Variants in AGPAT4 observed in about 807,000 individuals in gnomAD.
AGPAT4 encodes the protein 1-acyl-sn-glycerol-3-phosphate acyltransferase delta.
A neutral mutation model predicts 48.0 loss-of-function variants in AGPAT4; 15 were observed. That is an observed-to-expected ratio of 0.31 (90% CI 0.21 to 0.48). The LOEUF (loss-of-function observed/expected upper bound fraction) is 0.48, where lower values mean the gene tolerates loss of function less well. AGPAT4 is among the 20% of genes least tolerant of loss of function. AGPAT4 has a pLI of 0.99. For synonymous variants in AGPAT4, 178 were observed against 198.7 expected (o/e 0.90, Z 0.88); for missense variants, 314 against 482.5 (o/e 0.65, Z 3.27).
intron 2 of AGPAT4, among the ~76,000 whole-genome samples, chr6:161,190,303 TGAGA>T (rs949091819): frequency 7.9e-5 from 12 of 151,736 alleles, no homozygotes; most frequent in Admixed American, 3.9e-4. Flanking sequence ...AGTGAGCAAG[TGAGA>T]GAGAGAGAGA....
At position 161,237,841 on chromosome 6, in the gene AGPAT4, G is replaced by A. The variant is rs143104916; in HGVS notation, c.-89-5539C>T. On this transcript the variant is annotated intron_variant, in intron 1 of 8. Coordinates refer to ENST00000320285, the MANE Select transcript of AGPAT4 (RefSeq NM_020133.3). ...CCCAGCCCCCGTGAAGGTTAGGTGT[G>A]GGCAGATGATGGGCATATGCCACAA... Among the ~76,000 whole-genome samples, 3 of 152,150 alleles carry A rather than the reference G, an allele frequency of 2.0e-5. No homozygotes were observed. In the East Asian group the frequency reaches 5.8e-4, roughly 29 times the overall value.
In AGPAT4 at chr6:161,267,048, C is replaced by T. The variant is rs1225333652; in HGVS notation, c.-90+6890G>A. The stretch of plus-strand genomic sequence containing the variant: ...AGAACAGAAAGCCTCTGACTCCATC[C>T]ACCCACCGCCTTGGGAACTCTGAGA... On this transcript the variant is annotated intron_variant, in intron 1 of 8. Transcript: ENST00000320285. The surrounding 1 kb of genome is among the most constrained non-coding windows in gnomAD (Gnocchi z 5.2). Among the ~76,000 whole-genome samples the T allele has an allele frequency of 6.6e-6, 1 of 152,202 alleles. No homozygotes were observed. Among genetic ancestry groups the T allele is most frequent in the African/African-American group, 2.4e-5 (1 of 41,452 alleles).
rs1291212224 is a variant in AGPAT4 at position 161,159,312 on chromosome 6, A to C, written c.349-5002T>G. ...GTCTGTGCAAAGGTATTGATTAAGA[A>C]GCCCCCTATGCCAGGCATTATGCAG... On this transcript the variant is annotated intron_variant, in intron 3 of 8. Transcript: ENST00000320285. The surrounding 1 kb of genome is among the most constrained non-coding windows in gnomAD (Gnocchi z 4.1). Among the ~76,000 whole-genome samples, 1 of 152,154 alleles carries C rather than the reference A, an allele frequency of 6.6e-6. No individual in the cohort carries two copies. Among genetic ancestry groups the C allele is most frequent in the Non-Finnish European group, 1.5e-5 (1 of 68,034 alleles).
In AGPAT4 at chr6:161,229,093, T is replaced by C. The variant is rs1421645248; in HGVS notation, c.178+2943A>G. 6.6e-6 allele frequency among the ~76,000 whole-genome samples: 1 copy of C among 152,108 alleles called. No individual in the cohort carries two copies. Among genetic ancestry groups the C allele is most frequent in the African/African-American group, 2.4e-5 (1 of 41,424 alleles). Reference sequence around the variant, plus strand: ...CATGAGAGCTTTACCACGCCAGGGCTGGTAACTGCTTTGAACTTACTTGGT... The same window carrying C: ...CATGAGAGCTTTACCACGCCAGGGCCGGTAACTGCTTTGAACTTACTTGGT... On this transcript the variant is annotated intron_variant, in intron 2 of 8. Transcript: ENST00000320285. The surrounding 1 kb of genome is among the most constrained non-coding windows in gnomAD (Gnocchi z 6.0).
chr6:161,186,448 A>C (rs1252059441), intron 2 of AGPAT4, among the ~76,000 whole-genome samples: 1 of 152,072 alleles, frequency 6.6e-6, no homozygotes, highest in Non-Finnish European at 1.5e-5. Context: ...CGGCCCCTGC[A>C]GTCCACCGGC....
At position 161,238,534 on chromosome 6, in the gene AGPAT4, A is replaced by C. The variant is rs554153655; in HGVS notation, c.-89-6232T>G. Among the ~76,000 whole-genome samples the C allele has an allele frequency of 6.6e-6, 1 of 152,322 alleles. No homozygotes were observed. Among genetic ancestry groups the C allele is most frequent in the Admixed American group, 6.5e-5 (1 of 15,304 alleles). ...ATCCTCCCCCATATGTTTTCATTCTAACCTATACTTTTCTGCTAGTGACTC... is the reference window on the plus strand; with the variant it reads ...ATCCTCCCCCATATGTTTTCATTCTCACCTATACTTTTCTGCTAGTGACTC... On this transcript the variant is annotated intron_variant, in intron 1 of 8. Coordinates refer to ENST00000320285, the MANE Select transcript of AGPAT4 (RefSeq NM_020133.3). This position sits in a 1 kb window ranked among gnomAD's most constrained non-coding sequence, Gnocchi z 5.2.
At chr6:161,203,864 G>A (rs1781310528) in intron 2 of AGPAT4, among the ~76,000 whole-genome samples, 1 of 152,044 alleles carries the variant, frequency 6.6e-6, no homozygotes, top group Non-Finnish European at 1.5e-5. Flanking sequence ...AGTTTTTGTT[G>A]GTTGGTTGGT....
intron 2 of AGPAT4, among the ~76,000 whole-genome samples, chr6:161,209,334 T>C (rs1355613858): frequency 2.6e-5 from 4 of 152,192 alleles, no homozygotes; most frequent in African/African-American, 7.2e-5. Context: ...GTATGAGCCA[T>C]GGAGCTGGAT....
Position 161,214,915 on chromosome 6 carries a change from T to C in AGPAT4, c.178+17121A>G, listed in dbSNP as rs1325265436. 6.6e-6 allele frequency among the ~76,000 whole-genome samples: 1 copy of C among 152,204 alleles called. No homozygotes were observed. Among genetic ancestry groups the C allele is most frequent in the Non-Finnish European group, 1.5e-5 (1 of 68,024 alleles). On this transcript the variant is annotated intron_variant, in intron 2 of 8. Transcript: ENST00000320285. This position sits in a 1 kb window ranked among gnomAD's most constrained non-coding sequence, Gnocchi z 5.4. The stretch of plus-strand genomic sequence containing the variant: ...CACGTGACTATATTTCAAAACTATC[T>C]ACGTTGACCTCCAAACCTGTTCTGC...
At chr6:161,187,104 T>C (rs1441860033) in intron 2 of AGPAT4, among the ~76,000 whole-genome samples, 12 of 152,218 alleles carry the variant, frequency 7.9e-5, no homozygotes, top group South Asian at 6.2e-4. Context: ...TGGAATAATA[T>C]GATAATCACT....
At position 161,245,632 on chromosome 6, in the gene AGPAT4, G is replaced by A. The variant is rs1782626862; in HGVS notation, c.-89-13330C>T. 6.6e-6 allele frequency among the ~76,000 whole-genome samples: 1 copy of A among 152,112 alleles called. No homozygotes were observed. Among genetic ancestry groups the A allele is most frequent in the South Asian group, 2.1e-4 (1 of 4,822 alleles). ...AGCAAGTGGCCGTTCATTTTCTTCT[G>A]CATCTCAGATACCAGAAACTGGGCT... On this transcript the variant is annotated intron_variant, in intron 1 of 8. Coordinates refer to ENST00000320285, the MANE Select transcript of AGPAT4 (RefSeq NM_020133.3). The surrounding 1 kb of genome is among the most constrained non-coding windows in gnomAD (Gnocchi z 5.2).
rs1362158593 is a variant in AGPAT4, at chr6:161,246,268, C to T, written c.-89-13966G>A. ...TGTTTAATTCACGCATACATTCATTCGTCCACTGAGAAGTATATTCATTCA... is the reference window on the plus strand; with the variant it reads ...TGTTTAATTCACGCATACATTCATTTGTCCACTGAGAAGTATATTCATTCA... On this transcript the variant is annotated intron_variant, in intron 1 of 8. Transcript: ENST00000320285. The surrounding 1 kb of genome is among the most constrained non-coding windows in gnomAD (Gnocchi z 5.5). Among the ~76,000 whole-genome samples, 4 of 152,152 alleles carry T rather than the reference C, an allele frequency of 2.6e-5. No individual in the cohort carries two copies. Among genetic ancestry groups the T allele is most frequent in the Non-Finnish European group, 5.9e-5 (4 of 68,022 alleles).
intron 2 of AGPAT4, among the ~76,000 whole-genome samples, chr6:161,172,849 T>C (rs1432866497): frequency 2.0e-5 from 3 of 150,312 alleles, no homozygotes; most frequent in African/African-American, 7.4e-5. Context: ...TGTGTCCAAG[T>C]GTTCTCATTG....
rs1467223439 is a variant in AGPAT4 at position 161,234,639 on chromosome 6, T to G, written c.-89-2337A>C. 6.6e-6 allele frequency among the ~76,000 whole-genome samples: 1 copy of G among 152,102 alleles called. No homozygotes were observed. Among genetic ancestry groups the G allele is most frequent in the African/African-American group, 2.4e-5 (1 of 41,416 alleles). On this transcript the variant is annotated intron_variant, in intron 1 of 8. Transcript: ENST00000320285. The surrounding 1 kb of genome is among the most constrained non-coding windows in gnomAD (Gnocchi z 4.4). ...GTTTGATGTTGAATATTCATGCAAT[T>G]TGTTCATTGTCCCCGGATTAGCCAC...
Position 161,238,909 on chromosome 6 carries a change from T to C in AGPAT4, c.-89-6607A>G, listed in dbSNP as rs1337476108. On this transcript the variant is annotated intron_variant, in intron 1 of 8. Transcript: ENST00000320285. The surrounding 1 kb of genome is among the most constrained non-coding windows in gnomAD (Gnocchi z 5.2). ...CTTCCCCTTCTGCCATGATTGTAAGTTTCCTGAGGCCTCTCCAGCCCTGCA... is the reference window on the plus strand; with the variant it reads ...CTTCCCCTTCTGCCATGATTGTAAGCTTCCTGAGGCCTCTCCAGCCCTGCA... Among the ~76,000 whole-genome samples the C allele has an allele frequency of 1.3e-5, 2 of 152,230 alleles. No homozygotes were observed. Among genetic ancestry groups the C allele is most frequent in the Admixed American group, 6.5e-5 (1 of 15,284 alleles).
chr6:161,224,855 T>A lies in AGPAT4; in HGVS notation c.178+7181A>T, dbSNP rs1428286728. Reference sequence around the variant, plus strand: ...CAACATAGCTTACTCATTTCATTGGTCCAGTTATAGATTCTGTTAGATATG... The same window carrying A: ...CAACATAGCTTACTCATTTCATTGGACCAGTTATAGATTCTGTTAGATATG... On this transcript the variant is annotated intron_variant, in intron 2 of 8. Transcript: ENST00000320285. Among the ~76,000 whole-genome samples, 9 of 152,324 alleles carry A rather than the reference T, an allele frequency of 5.9e-5. No individual in the cohort carries two copies. In the East Asian group the frequency reaches 1.4e-3, roughly 23 times the overall value.
At chr6:161,136,786 T>C (rs1779081697) in intron 8 of AGPAT4, 152 bp from the exon 9 acceptor site, 1 of 646,350 alleles carries the variant, frequency 1.5e-6, no homozygotes, top group African/African-American at 1.8e-5. Flanking sequence ...CCTGCCGGCT[T>C]TACAATCATC....
In AGPAT4 at chr6:161,221,453, G is replaced by A. The variant is rs73017416; in HGVS notation, c.178+10583C>T. Among the ~76,000 whole-genome samples, 16,104 of 152,124 alleles carry A rather than the reference G, an allele frequency of 0.11. 947 individuals carry two copies. The highest frequency in any genetic ancestry group is 0.15 in the African/African-American group (6,328 of 41,486). On this transcript the variant is annotated intron_variant, in intron 2 of 8. Coordinates refer to ENST00000320285, the MANE Select transcript of AGPAT4 (RefSeq NM_020133.3). This position sits in a 1 kb window ranked among gnomAD's most constrained non-coding sequence, Gnocchi z 4.5. ...TTCCTATCTTATCAATAAAATAAAG[G>A]TAGGGGTGGGAGAGATAGAAAGGAG... is the stretch of plus-strand genomic sequence containing the variant.
intron 2 of AGPAT4, among the ~76,000 whole-genome samples, chr6:161,186,369 T>C (rs1199169143): frequency 6.6e-6 from 1 of 152,104 alleles, no homozygotes; most frequent in Non-Finnish European, 1.5e-5. Context: ...GCTCCTCTAT[T>C]TGCAGCCACA....
Sources: allele counts gnomAD v4.1 joint callset (sites outside exome capture counted in the v4.1 genomes callset), GRCh38; gene constraint gnomAD v4.1.1; non-coding constraint Gnocchi (gnomAD v3.1); transcripts MANE v1.5; gene names NCBI Gene and HGNC (gene_info 2026-07-23, HGNC 2026-07-21).